Variants in CYP3A43 observed in about 807,000 individuals in gnomAD.
CYP3A43 encodes cytochrome P450 3A43.
Under a neutral mutation model 58.0 loss-of-function variants are expected in CYP3A43, and 45 were observed. The ratio of observed to expected loss-of-function variants is 0.78; its 90% CI spans 0.61 to 0.99. The LOEUF (loss-of-function observed/expected upper bound fraction) is 0.99. CYP3A43 is among the 50% of genes least tolerant of loss of function. The pLI is 0.00. For missense variants in CYP3A43, 593 were observed against 591.9 expected, an observed-to-expected ratio of 1.00 and a Z score of -0.02; for synonymous variants, 191 against 201.4, an observed-to-expected ratio of 0.95 and a Z score of 0.44.
At chr7:99,840,646 C>T (rs1424559438) in intron 3 of CYP3A43, among the ~76,000 whole-genome samples, 1 of 152,088 alleles carries the variant, frequency 6.6e-6, no homozygotes, top group Non-Finnish European at 1.5e-5. Context: ...TTTTTTCCTT[C>T]CTGCTGGTTC....
chr7:99,830,935 TC>T (rs1006246147), intron 1 of CYP3A43, among the ~76,000 whole-genome samples: 1 of 152,236 alleles, frequency 6.6e-6, no homozygotes, highest in African/African-American at 2.4e-5. Flanking sequence ...ATAAACATTA[TC>T]CACCTCCTCT....
intron 12 of CYP3A43, 129 bp from the exon 13 acceptor site, chr7:99,865,777 T>C (rs1818420541): frequency 1.8e-6 from 1 of 549,596 alleles, no homozygotes; most frequent in Non-Finnish European, 3.1e-6. Flanking sequence ...AACCAACATG[T>C]ATGGTGCTGA....
At chr7:99,855,845 T>A (rs1185163481) in intron 8 of CYP3A43, 127 bp downstream of exon 8, 1 of 1,065,100 alleles carries the variant, frequency 9.4e-7, no homozygotes, top group African/African-American at 1.6e-5. Flanking sequence ...CCAAGAGGGT[T>A]TTTACATTTT....
At chr7:99,836,756 A>G (rs113335309) in intron 2 of CYP3A43, among the ~76,000 whole-genome samples, 2,161 of 152,210 alleles carry the variant, frequency 0.014, 19 homozygotes, top group Middle Eastern at 0.031. Flanking sequence ...GTTGCACGGC[A>G]CAGATATCTG....
chr7:99,849,968 T>TA (rs1012189170), intron 7 of CYP3A43: 1 of 479,020 alleles, frequency 2.1e-6, no homozygotes, highest in Non-Finnish European at 4.0e-6. Context: ...TTTTTTTTTT[T>TA]TTTTTTTTAG....
intron 4 of CYP3A43, among the ~76,000 whole-genome samples, chr7:99,845,666 T>C (rs1479161862): frequency 6.6e-6 from 1 of 152,158 alleles, no homozygotes; most frequent in Non-Finnish European, 1.5e-5. Flanking sequence ...TTGATCACTG[T>C]GTTTATTCCT....
intron 1 of CYP3A43, among the ~76,000 whole-genome samples, chr7:99,834,318 A>G (rs1427611799): frequency 6.6e-6 from 1 of 152,104 alleles, no homozygotes; most frequent in Non-Finnish European, 1.5e-5. Flanking sequence ...GTATTTAATG[A>G]TTCTTTCAGG....
chr7:99,855,383 G>A, intron 7 of CYP3A43: 1 of 508,620 alleles, frequency 2.0e-6, no homozygotes, highest in Non-Finnish European at 3.4e-6. Context: ...TATAGTGGAG[G>A]CCCCTATGTG....
chr7:99,834,038 G>C (rs1363045025), intron 1 of CYP3A43, among the ~76,000 whole-genome samples: 1 of 152,108 alleles, frequency 6.6e-6, no homozygotes, highest in African/African-American at 2.4e-5. Flanking sequence ...TGACAGCTAG[G>C]CCATTATCAT....
chr7:99,844,032 C>T, intron 3 of CYP3A43, 111 bp from the exon 4 acceptor site: 1 of 806,296 alleles, frequency 1.2e-6, no homozygotes. Flanking sequence ...TATTGCACAA[C>T]TGCAAGTATG....
rs780369793 is a variant in CYP3A43 at position 99,836,540 on chromosome 7, C to T, written c.159C>T (p.Tyr53=). The T allele has an allele frequency of 6.9e-6, 11 of 1,587,732 alleles. No individual in the cohort carries two copies. In the South Asian group the frequency reaches 1.2e-4, roughly 17 times the overall value. The change falls in exon 2 of 13, where the codon TAC becomes TAT. Residue 53 remains tyrosine (Y), a synonymous_variant. Transcript: ENST00000354829. ...PLPFLGTILF[Y]LRGLWNFDRE... ...CTTTTCTGGGAACTATTTTGTTCTA[C>T]CTTAGGGTAAGTGTTATTTGAGCTC...
chr7:99,841,340 C>T (rs148785932), intron 3 of CYP3A43, among the ~76,000 whole-genome samples: 1 of 152,274 alleles, frequency 6.6e-6, no homozygotes, highest in African/African-American at 2.4e-5. Context: ...CAATTTTCCC[C>T]TCTAGAAACC....
intron 3 of CYP3A43, 56 bp from the exon 4 acceptor site, chr7:99,844,087 T>A: frequency 7.2e-7 from 1 of 1,388,144 alleles, no homozygotes; most frequent in Non-Finnish European, 1.0e-6. Context: ...TTGGTGTGGT[T>A]CCAGCTGCAG....
intron 5 of CYP3A43, 55 bp from the exon 6 acceptor site, chr7:99,848,111 T>C: frequency 6.4e-7 from 1 of 1,554,326 alleles, no homozygotes; most frequent in Admixed American, 1.7e-5. Flanking sequence ...GGCAAAGCCA[T>C]GTCCTTCTGA....
Position 99,850,353 on chromosome 7 carries a change from C to T in CYP3A43, c.670+659C>T, listed in dbSNP as rs568859345. Among the ~76,000 whole-genome samples the T allele has an allele frequency of 7.9e-5, 12 of 152,116 alleles. No homozygotes were observed. The South Asian group carries it at 1.5e-3, about 18-fold the overall frequency. ...CTCGGCTCACTGCAACCTCCGCCTT[C>T]CAGGTTCAAGTGATTTTCCTGCCTC... is the stretch of plus-strand genomic sequence containing the variant. On this transcript the variant is annotated intron_variant, in intron 7 of 12. Transcript: ENST00000354829.
intron 7 of CYP3A43, among the ~76,000 whole-genome samples, chr7:99,853,943 A>G (rs1817865146): frequency 6.6e-6 from 1 of 152,190 alleles, no homozygotes; most frequent in African/African-American, 2.4e-5. Context: ...TGATACAGGC[A>G]TGAAATGTGA....
intron 1 of CYP3A43, among the ~76,000 whole-genome samples, chr7:99,834,347 C>A (rs796192906): frequency 6.6e-6 from 1 of 152,158 alleles, no homozygotes; most frequent in African/African-American, 2.4e-5. Flanking sequence ...TGTTATCTTT[C>A]CAGTCTCCTA....
chr7:99,842,097 T>C (rs577072003), intron 3 of CYP3A43, among the ~76,000 whole-genome samples: 4 of 152,350 alleles, frequency 2.6e-5, no homozygotes, highest in Admixed American at 2.6e-4. Context: ...AAAGATCAAA[T>C]TTTTTAAAGG....
In CYP3A43 at chr7:99,836,558, T is replaced by C. The variant is rs1481606454; in HGVS notation, c.165+12T>C. On this transcript the variant is annotated intron_variant, in intron 2 of 12. Transcript: ENST00000354829. ...TGTTCTACCTTAGGGTAAGTGTTATTTGAGCTCCCTCTTTTGCTTCTTATC... is the reference window on the plus strand; with the variant it reads ...TGTTCTACCTTAGGGTAAGTGTTATCTGAGCTCCCTCTTTTGCTTCTTATC... 1 of 1,557,584 alleles carries C rather than the reference T, an allele frequency of 6.4e-7. No homozygotes were observed.
Sources: allele counts gnomAD v4.1 joint callset (sites outside exome capture counted in the v4.1 genomes callset), GRCh38; gene constraint gnomAD v4.1.1; transcripts MANE v1.5; gene names NCBI Gene and HGNC (gene_info 2026-07-23, HGNC 2026-07-21).